Variants in ABCA1 observed in about 807,000 individuals in gnomAD.
ABCA1 encodes phospholipid-transporting ATPase ABCA1.
A neutral mutation model predicts 262.5 loss-of-function variants in ABCA1; 133 were observed. That is an observed-to-expected ratio of 0.51 (90% CI 0.44 to 0.59). The LOEUF (loss-of-function observed/expected upper bound fraction) is 0.59. ABCA1 is among the 20% of genes least tolerant of loss of function. The pLI is 0.00. For synonymous variants in ABCA1, 1,022 were observed against 1,043.5 expected, an observed-to-expected ratio of 0.98 and a Z score of 0.40; for missense variants, 2,452 against 2,777.5, an observed-to-expected ratio of 0.88 and a Z score of 2.63.
chr9:104,820,108 G>T lies in ABCA1; in HGVS notation c.2961-39C>A, dbSNP rs748583306. 5.6e-6 allele frequency: 9 copies of T among 1,613,094 alleles called. No homozygotes were observed. The South Asian group carries it at 6.6e-5, about 12-fold the overall frequency. On this transcript the variant is annotated intron_variant, in intron 20 of 49. Coordinates refer to ENST00000374736, the MANE Select transcript of ABCA1 (RefSeq NM_005502.4). ...GGCAGGTCAGCTCTGGGCCCTACTG[G>T]ATACCCCAGAATACAGTGTCCCCTG...
chr9:104,844,210 CAG>C (rs1256500573), intron 8 of ABCA1, among the ~76,000 whole-genome samples: 4 of 152,080 alleles, frequency 2.6e-5, no homozygotes, highest in Admixed American at 6.5e-5. Flanking sequence ...TGTCAGCTAA[CAG>C]GGCCCTAGAG....
intron 2 of ABCA1, among the ~76,000 whole-genome samples, chr9:104,895,943 C>T (rs1173455040): frequency 1.3e-5 from 2 of 152,176 alleles, no homozygotes; most frequent in African/African-American, 2.4e-5. Flanking sequence ...GCTTCTGAAT[C>T]ATGGTAGCCA....
chr9:104,882,028 T>TAAAAAAAAAAAAACAAAAA (rs1838703990), intron 5 of ABCA1, among the ~76,000 whole-genome samples: 1 of 73,748 alleles, frequency 1.4e-5, no homozygotes, highest in Non-Finnish European at 2.6e-5. Context: ...TCTGTAGCCT[T>TAAAAAAAAAAAAACAAAAA]AAAAAAAAAA....
Position 104,834,864 on chromosome 9 carries a change from C to G in ABCA1, c.1312-2093G>C, listed in dbSNP as rs186649342. Among the ~76,000 whole-genome samples, 62 of 152,266 alleles carry G rather than the reference C, an allele frequency of 4.1e-4. No homozygotes were observed. The East Asian group carries it at 0.012, about 29-fold the overall frequency. On this transcript the variant is annotated intron_variant, in intron 11 of 49. Transcript: ENST00000374736. Reference sequence around the variant, plus strand: ...AAGATCAGAGCTACCCCAGCAGAAGCAGAAGCCTCAGCCATCACCTCGTGT... The same window carrying G: ...AAGATCAGAGCTACCCCAGCAGAAGGAGAAGCCTCAGCCATCACCTCGTGT...
intron 2 of ABCA1, among the ~76,000 whole-genome samples, chr9:104,903,325 G>C (rs1840819734): frequency 6.6e-6 from 1 of 152,166 alleles, no homozygotes; most frequent in Non-Finnish European, 1.5e-5. Flanking sequence ...AAAGGAAAAA[G>C]TGGGGTGCTC....
At chr9:104,848,011 C>T (rs1353890788) in intron 7 of ABCA1, among the ~76,000 whole-genome samples, 1 of 152,108 alleles carries the variant, frequency 6.6e-6, no homozygotes, top group South Asian at 2.1e-4. Flanking sequence ...AACTCAATCC[C>T]TATGGTAGGT....
Position 104,798,466 on chromosome 9 carries a change from T to G in ABCA1, c.5076A>C (p.Gly1692=). 1 of 1,614,202 alleles carries G rather than the reference T, an allele frequency of 6.2e-7. No homozygotes were observed. Reference sequence around the variant, plus strand: ...AGAGCCAGTAGATGACAGGCTTCACTCCACTGATGAACTGCAGGTGTTTTG... The same window carrying G: ...AGAGCCAGTAGATGACAGGCTTCACGCCACTGATGAACTGCAGGTGTTTTG... The part of the protein sequence containing the change: ...SKAKHLQFIS[G]VKPVIYWLSN... The change falls in exon 37 of 50, where the codon GGA becomes GGC. Residue 1692 remains glycine, a synonymous_variant. Coordinates refer to ENST00000374736, the MANE Select transcript of ABCA1 (RefSeq NM_005502.4).
chr9:104,822,693 G>T, intron 18 of ABCA1, 26 bp from the exon 19 acceptor site: 1 of 1,613,098 alleles, frequency 6.2e-7, no homozygotes, highest in Non-Finnish European at 8.5e-7. Flanking sequence ...AGACAGAAAT[G>T]AACCCACAGA....
intron 33 of ABCA1, among the ~76,000 whole-genome samples, chr9:104,802,638 A>G (rs1247994124): frequency 6.6e-6 from 1 of 152,192 alleles, no homozygotes; most frequent in African/African-American, 2.4e-5. Context: ...GCCCTTGGGG[A>G]AAAGGCAGAG....
chr9:104,810,813 A>T lies in ABCA1; in HGVS notation c.4162T>A (p.Tyr1388Asn). 1 of 1,614,198 alleles carries T rather than the reference A, an allele frequency of 6.2e-7. No homozygotes were observed. Among genetic ancestry groups the T allele is most frequent in the Non-Finnish European group, 8.5e-7 (1 of 1,180,028 alleles). The change falls in exon 29 of 50, where the codon TAC becomes AAC. Residue 1388 changes from tyrosine to asparagine, a missense_variant. By Grantham distance (143) the Tyr-to-Asn change is moderately radical. This residue lies in a region of ABCA1 where 665 missense variants were observed against 727.3 expected (regional missense o/e 0.91). Coordinates refer to ENST00000374736, the MANE Select transcript of ABCA1 (RefSeq NM_005502.4). ...AGACAAACATACCTGACAAATGTGTACTGTTCGTTGTACATCCAGGGCTGA... is the reference window on the plus strand; with the variant it reads ...AGACAAACATACCTGACAAATGTGTTCTGTTCGTTGTACATCCAGGGCTGA... ...ELQPWMYNEQ[Y>N]TFVSNDAPED...
chr9:104,905,238 G>A (rs1176981576), intron 1 of ABCA1, among the ~76,000 whole-genome samples: 1 of 152,188 alleles, frequency 6.6e-6, no homozygotes. Context: ...ATGCAGTAGC[G>A]AGGTATGGAT....
At position 104,796,136 on chromosome 9, in the gene ABCA1, A is replaced by C. The variant is rs1312399680; in HGVS notation, c.5299T>G (p.Tyr1767Asp). 5.0e-6 allele frequency: 8 copies of C among 1,614,022 alleles called. No individual in the cohort carries two copies. The highest frequency in any genetic ancestry group is 6.8e-6 in the Non-Finnish European group (8 of 1,180,032). ...AGGTTCACGCTGGTGAGCACCACATAGGCTGTGCTGGGGATCTTGAACACA... is the reference window on the plus strand; with the variant it reads ...AGGTTCACGCTGGTGAGCACCACATCGGCTGTGCTGGGGATCTTGAACACA... ...SFVFKIPSTAYVVLTSVNLFI... is the reference protein window; with the variant it reads ...SFVFKIPSTADVVLTSVNLFI... The change falls in exon 39 of 50, where the codon TAT (tyrosine) becomes GAT (aspartate). Residue 1767 changes from tyrosine (Y) to aspartate (D), a missense_variant. Tyr to Asp is a radical substitution (Grantham distance 160). Around this residue, in one of 4 missense-constraint regions of ABCA1, gnomAD observed 752 missense variants for 944.5 expected, o/e 0.80. Transcript: ENST00000374736.
Position 104,799,972 on chromosome 9 carries a change from T to C in ABCA1, c.4790A>G (p.Lys1597Arg). 3 of 1,614,154 alleles carry C rather than the reference T, an allele frequency of 1.9e-6. No homozygotes were observed. Among genetic ancestry groups the C allele is most frequent in the Non-Finnish European group, 2.5e-6 (3 of 1,180,018 alleles). ...GAAAGAGCTGATTGCATGCCAGCCC[T>C]TGTTATTGAACCACACCTGAAAGAA... ...KNNVKVWFNNKGWHAISSFLN... is the reference protein window; with the variant it reads ...KNNVKVWFNNRGWHAISSFLN... The change falls in exon 36 of 50, where the codon AAG (lysine) becomes AGG (arginine). Residue 1597 changes from lysine to arginine, a missense_variant. Physicochemically the swap from Lys to Arg is conservative, Grantham distance 26. This residue lies in a region of ABCA1 where 752 missense variants were observed against 944.5 expected (regional missense o/e 0.80). Transcript: ENST00000374736.
intron 1 of ABCA1, among the ~76,000 whole-genome samples, chr9:104,925,567 C>A (rs990283556): frequency 6.6e-6 from 1 of 152,104 alleles, no homozygotes; most frequent in African/African-American, 2.4e-5. Context: ...ACAACAGTAG[C>A]AATTCTAGTC....
chr9:104,851,530 C>A (rs1487195081), intron 7 of ABCA1, among the ~76,000 whole-genome samples: 3 of 152,202 alleles, frequency 2.0e-5, no homozygotes, highest in African/African-American at 7.2e-5. Flanking sequence ...TGTCCTCTAC[C>A]TGGAACATTC....
chr9:104,835,400 C>G (rs1299632948), intron 11 of ABCA1, among the ~76,000 whole-genome samples: 2 of 152,146 alleles, frequency 1.3e-5, no homozygotes, highest in Non-Finnish European at 1.5e-5. Context: ...CACTGGCCTA[C>G]TGGACATCGC....
intron 11 of ABCA1, 51 bp from the exon 12 acceptor site, chr9:104,832,822 G>T: frequency 1.3e-6 from 2 of 1,564,046 alleles, no homozygotes; most frequent in Non-Finnish European, 1.8e-6. Flanking sequence ...TAAATCTTGA[G>T]GAGCACTACA....
Position 104,837,509 on chromosome 9 carries a change from G to A in ABCA1, c.1113C>T (p.Ile371=). The change falls in exon 10 of 50, where the codon ATC becomes ATT. Residue 371 remains isoleucine (I), a synonymous_variant. Transcript: ENST00000374736. ...CGAGCAGCGGCTTCAGAGCTTTCCA[G>A]ATAATGCGGGAAAGAGGACTAGACT... ...NLESSPLSRI[I]WKALKPLLVG... 6.2e-7 allele frequency: 1 copy of A among 1,614,196 alleles called. No homozygotes were observed. Among genetic ancestry groups the A allele is most frequent in the Non-Finnish European group, 8.5e-7 (1 of 1,180,038 alleles).
rs1194893251 is a variant in ABCA1, at chr9:104,818,748, T to C, written c.3377A>G (p.Tyr1126Cys). 1 of 1,613,934 alleles carries C rather than the reference T, an allele frequency of 6.2e-7. No individual in the cohort carries two copies. The highest frequency in any genetic ancestry group is 1.7e-5 in the Admixed American group (1 of 60,032). Residue 1126 changes from tyrosine to cysteine, a missense_variant, in exon 23 of 50, where the codon TAC (tyrosine) becomes TGC (cysteine). This residue lies in a region of ABCA1 where 665 missense variants were observed against 727.3 expected (regional missense o/e 0.91). Transcript: ENST00000374736. Reference sequence around the variant, plus strand: ...ATCTTTCTTGACCAAGGTCAGGTAGTAGCCTGTTCCCAGCTGGTTCTTCAG... The same window carrying C: ...ATCTTTCTTGACCAAGGTCAGGTAGCAGCCTGTTCCCAGCTGGTTCTTCAG... ...LFLKNQLGTG[Y>C]YLTLVKKDVE...
Sources: gnomAD v4.1 joint callset for allele counts (sites outside exome capture counted in the v4.1 genomes callset) on GRCh38, gnomAD v4.1.1 for gene constraint, gnomAD v4.1.1 regional missense constraint, MANE v1.5 for transcripts, NCBI Gene and HGNC (gene_info 2026-07-23, HGNC 2026-07-21) for gene names.